The following RBFOX1 variants were observed in gnomAD, a reference collection of about 807,000 sequenced individuals.
RBFOX1 encodes the protein RNA binding protein fox-1 homolog 1.
RBFOX1 carries 8 observed loss-of-function variants against 57.7 expected under a neutral mutation model. The observed-to-expected ratio is 0.14, with a 90% CI of 0.08 to 0.25. The LOEUF is 0.25. Ranked by LOEUF, RBFOX1 falls within the 10% of genes least tolerant of loss-of-function variation. The probability of loss-of-function intolerance (pLI) is 1.00; values close to 1 mark genes in which losing one functional copy is unlikely to be tolerated. For missense variants in RBFOX1, 611 were observed against 548.5 expected (o/e 1.11, Z -1.14); for synonymous variants, 326 against 222.4 (o/e 1.47, Z -4.15).
At chr16:6,989,224 A>G (rs2090981663) in intron 3 of RBFOX1, among the ~76,000 whole-genome samples, 1 of 152,106 alleles carries the variant, frequency 6.6e-6, no homozygotes, top group South Asian at 2.1e-4. Flanking sequence ...TGTGGCTATT[A>G]GAAAAATTTT....
chr16:7,268,358 AAGTCC>A (rs1443125442), intron 4 of RBFOX1, among the ~76,000 whole-genome samples: 1 of 152,186 alleles, frequency 6.6e-6, no homozygotes, highest in African/African-American at 2.4e-5. Flanking sequence ...GCTGCTGAAG[AAGTCC>A]AGGCAGCCTT....
intron 4 of RBFOX1, among the ~76,000 whole-genome samples, chr16:7,279,980 G>C (rs1322934579): frequency 6.6e-6 from 1 of 152,228 alleles, no homozygotes; most frequent in Non-Finnish European, 1.5e-5. Context: ...CATATCAGCA[G>C]ATGTTGCATT....
chr16:6,514,575 T>TG (rs2096332386), intron 2 of RBFOX1, among the ~76,000 whole-genome samples: 1 of 152,150 alleles, frequency 6.6e-6, no homozygotes, highest in Non-Finnish European at 1.5e-5. Context: ...GGCACGTATG[T>TG]GGGGGAGCAT....
chr16:7,569,752 C>G (rs562260117), intron 5 of RBFOX1, among the ~76,000 whole-genome samples: 7 of 152,170 alleles, frequency 4.6e-5, no homozygotes, highest in Admixed American at 4.6e-4. Flanking sequence ...GCCTGTAATC[C>G]CAACATTTTG....
intron 3 of RBFOX1, among the ~76,000 whole-genome samples, chr16:5,637,345 G>A (rs968639328): frequency 2.6e-5 from 4 of 152,178 alleles, no homozygotes; most frequent in African/African-American, 9.7e-5. Flanking sequence ...TTAGTAGATA[G>A]GTAAGTGGTC....
chr16:7,707,000 A>G (rs138911233), intron 14 of RBFOX1, among the ~76,000 whole-genome samples: 54 of 152,286 alleles, frequency 3.5e-4, no homozygotes, highest in African/African-American at 1.3e-3. Context: ...GCCATTTTTG[A>G]TAAGAAGGAC....
chr16:6,039,362 A>C (rs2095411277), intron 1 of RBFOX1, among the ~76,000 whole-genome samples: 1 of 151,796 alleles, frequency 6.6e-6, no homozygotes, highest in Non-Finnish European at 1.5e-5. Context: ...AAAAAAAAAA[A>C]AAACAGAACA....
chr16:5,521,132 G>A (rs2043997148), intron 2 of RBFOX1, among the ~76,000 whole-genome samples: 1 of 152,176 alleles, frequency 6.6e-6, no homozygotes, highest in South Asian at 2.1e-4. Context: ...TTGGGTGGTT[G>A]CAGTCTGGCT....
chr16:6,631,137 T>C (rs1428756357), intron 2 of RBFOX1, among the ~76,000 whole-genome samples: 2 of 151,894 alleles, frequency 1.3e-5, no homozygotes, highest in African/African-American at 2.4e-5. Context: ...AAAAGGCAGA[T>C]AGAAAATTTA....
intron 2 of RBFOX1, among the ~76,000 whole-genome samples, chr16:6,632,706 G>A (rs975816498): frequency 3.3e-5 from 5 of 152,200 alleles, no homozygotes; most frequent in Non-Finnish European, 5.9e-5. Context: ...GTGCTTGCCA[G>A]GCCTAACCAA....
At chr16:6,858,354 G>T (rs1000213689) in intron 3 of RBFOX1, among the ~76,000 whole-genome samples, 2 of 152,136 alleles carry the variant, frequency 1.3e-5, no homozygotes, top group Non-Finnish European at 2.9e-5. Flanking sequence ...ACAGGAAAAA[G>T]CAGAGCAGAT....
At chr16:6,589,372 C>G (rs968140334) in intron 2 of RBFOX1, among the ~76,000 whole-genome samples, 2 of 152,128 alleles carry the variant, frequency 1.3e-5, no homozygotes, top group Non-Finnish European at 2.9e-5. Flanking sequence ...TCCCTGAAAA[C>G]CCAGGAACTG....
In RBFOX1 at chr16:5,272,704, T is replaced by C. The variant is rs553981038; in HGVS notation, c.219+32599T>C. The stretch of plus-strand genomic sequence containing the variant: ...TGGAAAGGTTCCCATGATCCTTGCT[T>C]GGTGTTGGCCAACTCATTGACTTCC... On this transcript the variant is annotated intron_variant, in intron 1 of 2. Coordinates refer to the RBFOX1 transcript ENST00000585867. 2.4e-4 allele frequency among the ~76,000 whole-genome samples: 36 copies of C among 152,334 alleles called. No individual in the cohort carries two copies. The East Asian group carries it at 3.5e-3, about 15-fold the overall frequency.
intron 4 of RBFOX1, among the ~76,000 whole-genome samples, chr16:7,284,546 A>G (rs1490784385): frequency 2.0e-5 from 3 of 151,790 alleles, no homozygotes; most frequent in Non-Finnish European, 4.4e-5. Flanking sequence ...GTCCAGATTG[A>G]TCTCGATCTC....
intron 4 of RBFOX1, among the ~76,000 whole-genome samples, chr16:7,456,992 G>A (rs1386043814): frequency 2.6e-5 from 4 of 152,004 alleles, no homozygotes; most frequent in African/African-American, 9.7e-5. Context: ...CTGGATCCAA[G>A]CAATTCTGCC....
intron 4 of RBFOX1, among the ~76,000 whole-genome samples, chr16:7,347,770 C>T (rs562937242): frequency 4.5e-4 from 69 of 152,222 alleles, no homozygotes; most frequent in African/African-American, 1.3e-3. Flanking sequence ...GAACTATGCC[C>T]GAGACCCCCA....
chr16:5,386,010 A>G (rs2066245524), intron 1 of RBFOX1, among the ~76,000 whole-genome samples: 1 of 152,176 alleles, frequency 6.6e-6, no homozygotes, highest in African/African-American at 2.4e-5. Context: ...GCCTCTTTTA[A>G]GCTTCTGCCA....
chr16:6,343,739 G>A (rs534946429), intron 2 of RBFOX1, among the ~76,000 whole-genome samples: 2 of 152,258 alleles, frequency 1.3e-5, no homozygotes, highest in South Asian at 2.1e-4. Flanking sequence ...TTTTAAAGCA[G>A]GACTCGTCTT....
At chr16:5,986,909 C>A (rs115394709) in intron 4 of RBFOX1, among the ~76,000 whole-genome samples, 2 of 152,200 alleles carry the variant, frequency 1.3e-5, no homozygotes, top group Admixed American at 6.5e-5. Context: ...ACTGCCGGAT[C>A]GTGTGGTAAT....
Sources: gnomAD v4.1 joint callset for allele counts (sites outside exome capture counted in the v4.1 genomes callset) on GRCh38, gnomAD v4.1.1 for gene constraint, MANE v1.5 for transcripts, NCBI Gene and HGNC (gene_info 2026-07-23, HGNC 2026-07-21) for gene names.